Variants in ZNF624 observed in about 807,000 individuals in gnomAD.
ZNF624 encodes zinc finger protein 624.
ZNF624 carries 43 observed loss-of-function variants against 74.7 expected under a neutral mutation model. The observed-to-expected ratio is 0.58, with a 90% confidence interval of 0.45 to 0.74. The LOEUF is 0.74. ZNF624 is among the 30% of genes least tolerant of loss of function. The pLI is 0.00. For synonymous variants in ZNF624, 331 were observed against 341.3 expected, an observed-to-expected ratio of 0.97 and a Z score of 0.33; for missense variants, 820 against 1,030.0, an observed-to-expected ratio of 0.80 and a Z score of 2.79.
chr17:16,641,474 G>A (rs1333248150), intron 3 of ZNF624, among the ~76,000 whole-genome samples: 1 of 152,120 alleles, frequency 6.6e-6, no homozygotes, highest in Non-Finnish European at 1.5e-5. Flanking sequence ...AGTAGAGACA[G>A]GGTTTCACCA....
chr17:16,633,819 T>C (rs1195433777), intron 5 of ZNF624, 43 bp downstream of exon 5: 1 of 1,465,374 alleles, frequency 6.8e-7, no homozygotes, highest in Non-Finnish European at 9.6e-7. Context: ...CTATAGTCTG[T>C]TACTTCAAAT....
intron 2 of ZNF624, among the ~76,000 whole-genome samples, chr17:16,647,735 C>T (rs1909627937): frequency 6.6e-6 from 1 of 152,144 alleles, no homozygotes; most frequent in Non-Finnish European, 1.5e-5. Context: ...AAGTATCTAT[C>T]TTGCTCAAGA....
At chr17:16,626,269 C>T (rs1291946576) in intron 5 of ZNF624, among the ~76,000 whole-genome samples, 1 of 152,044 alleles carries the variant, frequency 6.6e-6, no homozygotes, top group African/African-American at 2.4e-5. Flanking sequence ...GATTTTAAAA[C>T]CCACTTTTAA....
chr17:16,616,891 C>G, downstream of ZNF624: 4 of 1,458,298 alleles, frequency 2.7e-6, no homozygotes, highest in Non-Finnish European at 3.7e-6. Flanking sequence ...TGACTTTGAG[C>G]GAGATCTAGA....
downstream of ZNF624, among the ~76,000 whole-genome samples, chr17:16,620,011 TTCAA>T (rs1399048731): frequency 6.6e-6 from 1 of 152,224 alleles, no homozygotes; most frequent in African/African-American, 2.4e-5. Context: ...ACTATTAAAC[TTCAA>T]TCAAAAATGG....
chr17:16,634,602 A>G (rs368478174), intron 4 of ZNF624, 28 bp downstream of exon 4: 1 of 1,602,598 alleles, frequency 6.2e-7, no homozygotes, highest in Non-Finnish European at 8.5e-7. Context: ...GGGCAGATCA[A>G]TCAACACAGA....
intron 4 of ZNF624, 106 bp downstream of exon 4, chr17:16,634,523 TG>T (rs1436140722): frequency 8.2e-7 from 1 of 1,213,850 alleles, no homozygotes; most frequent in African/African-American, 1.5e-5. Flanking sequence ...CCCAACAATG[TG>T]CCCCTAAAAT....
At chr17:16,639,500 T>C (rs1909417079) in intron 3 of ZNF624, among the ~76,000 whole-genome samples, 1 of 151,950 alleles carries the variant, frequency 6.6e-6, no homozygotes, top group Non-Finnish European at 1.5e-5. Context: ...CAGGAAAAAA[T>C]CTGAGAAGGC....
At chr17:16,647,254 G>A in intron 3 of ZNF624, 75 bp downstream of exon 3, 1 of 1,247,580 alleles carries the variant, frequency 8.0e-7, no homozygotes, top group East Asian at 2.3e-5. Flanking sequence ...GCAATTAACT[G>A]GGAACATTGA....
At chr17:16,640,290 A>G (rs1317166433) in intron 3 of ZNF624, among the ~76,000 whole-genome samples, 1 of 152,176 alleles carries the variant, frequency 6.6e-6, no homozygotes, top group Non-Finnish European at 1.5e-5. Flanking sequence ...GGAAATTTAT[A>G]GCTATAAAAT....
At chr17:16,644,692 G>T (rs1365499276) in intron 3 of ZNF624, among the ~76,000 whole-genome samples, 1 of 152,172 alleles carries the variant, frequency 6.6e-6, no homozygotes, top group East Asian at 1.9e-4. Context: ...GTAAAATTCT[G>T]CCCTTCCACA....
chr17:16,625,503 T>G (rs530448933), intron 5 of ZNF624, among the ~76,000 whole-genome samples: 1 of 152,308 alleles, frequency 6.6e-6, no homozygotes, highest in South Asian at 2.1e-4. Context: ...TGTTCTCATT[T>G]TTGATTGACT....
At chr17:16,640,587 C>T (rs1431829821) in intron 3 of ZNF624, among the ~76,000 whole-genome samples, 2 of 151,966 alleles carry the variant, frequency 1.3e-5, no homozygotes, top group African/African-American at 4.8e-5. Flanking sequence ...TTCCTACTGA[C>T]CTTAAAGAAA....
chr17:16,647,811 G>A (rs1258340882), intron 2 of ZNF624, among the ~76,000 whole-genome samples: 2 of 152,118 alleles, frequency 1.3e-5, no homozygotes, highest in Non-Finnish European at 2.9e-5. Flanking sequence ...AGTGTTTGGT[G>A]GGGGGATGTG....
Position 16,624,480 on chromosome 17 carries a change from C to T in ZNF624, c.406G>A (p.Ala136Thr). ...DMEPKPATKK[A>T]TRTKAISEDL... ...TCAGAAATAGCCTTTGTTCGTGTAG[C>T]CTTCTTGGTTGCAGGTTTGGGCTCC... Residue 136 changes from alanine (A) to threonine (T), a missense_variant, in exon 6 of 6, where the codon GCT becomes ACT. By Grantham distance (58) the Ala-to-Thr change is moderately conservative. Transcript: ENST00000311331. 2 of 1,579,328 alleles carry T rather than the reference C, an allele frequency of 1.3e-6. No homozygotes were observed. Among genetic ancestry groups the T allele is most frequent in the Non-Finnish European group, 1.7e-6 (2 of 1,168,524 alleles).
At position 16,622,258 on chromosome 17, in the gene ZNF624, T is replaced by A. The variant is rs755435176; in HGVS notation, c.*30A>T. ...AGTTTATAAGATTCATCTTGTGGAG[T>A]TGACATCTAGGTGAATGACTTATTG... On this transcript the variant is annotated 3_prime_UTR_variant, in exon 6 of 6. Transcript: ENST00000311331. 2.7e-6 allele frequency: 4 copies of A among 1,465,700 alleles called. No homozygotes were observed. The African/African-American group carries it at 4.2e-5, about 16-fold the overall frequency. 90.8% of individuals were successfully genotyped at this position (1,465,700 alleles called of 1,614,324 possible).
downstream of ZNF624, chr17:16,617,646 C>T (rs1416359297): frequency 2.2e-5 from 35 of 1,607,748 alleles, no homozygotes; most frequent in Non-Finnish European, 3.0e-5. Context: ...GTAGCTGTAG[C>T]TGTCGCGATT....
chr17:16,639,243 T>C (rs879493738), intron 3 of ZNF624, among the ~76,000 whole-genome samples: 7 of 152,196 alleles, frequency 4.6e-5, no homozygotes, highest in Non-Finnish European at 1.0e-4. Context: ...AGAAGAAAGA[T>C]TTCCTCTGGG....
chr17:16,618,314 A>G (rs1908833389), downstream of ZNF624, among the ~76,000 whole-genome samples: 1 of 152,202 alleles, frequency 6.6e-6, no homozygotes, highest in Admixed American at 6.5e-5. Context: ...GATCCAACTC[A>G]AAAACAAACA....
Sources: allele counts gnomAD v4.1 joint callset (sites outside exome capture counted in the v4.1 genomes callset), GRCh38; gene constraint gnomAD v4.1.1; transcripts MANE v1.5; gene names NCBI Gene and HGNC (gene_info 2026-07-23, HGNC 2026-07-21).